The following PRKCA variants were observed in gnomAD, a reference collection of about 807,000 sequenced individuals.
PRKCA encodes the protein protein kinase C alpha type.
Under a neutral mutation model 87.0 loss-of-function variants are expected in PRKCA, and 27 were observed. That is an observed-to-expected ratio of 0.31 (90% CI 0.23 to 0.43). PRKCA has a LOEUF of 0.43. Among genes scored for constraint, PRKCA ranks in the 20% least tolerant of loss-of-function variants. PRKCA has a pLI of 1.00. For synonymous variants in PRKCA, 329 were observed against 311.1 expected (o/e 1.06, Z -0.61); for missense variants, 518 against 852.3 (o/e 0.61, Z 4.88).
At chr17:66,683,642 C>T (rs562130441) in intron 5 of PRKCA, among the ~76,000 whole-genome samples, 154 of 152,150 alleles carry the variant, frequency 1.0e-3, no homozygotes, top group Non-Finnish European at 1.7e-3. Flanking sequence ...CTGTGTCACC[C>T]AGGCTGGAGT....
chr17:66,497,492 G>A (rs1478849982), intron 3 of PRKCA, among the ~76,000 whole-genome samples: 27 of 147,266 alleles, frequency 1.8e-4, no homozygotes, highest in Admixed American at 8.8e-4. Flanking sequence ...GCAAAACTCC[G>A]TCTCAAAAAA....
At chr17:66,502,033 A>G (rs1441374760) in intron 3 of PRKCA, among the ~76,000 whole-genome samples, 1 of 152,124 alleles carries the variant, frequency 6.6e-6, no homozygotes, top group Non-Finnish European at 1.5e-5. Flanking sequence ...TTAAAACCTT[A>G]GCTCACCAGT....
At chr17:66,470,637 A>G (rs897775138) in intron 2 of PRKCA, among the ~76,000 whole-genome samples, 10 of 152,130 alleles carry the variant, frequency 6.6e-5, no homozygotes, top group Admixed American at 5.9e-4. Context: ...CCACGTGTCA[A>G]TGCAGTTCAG....
chr17:66,664,647 G>GTT (rs398031366), intron 5 of PRKCA, among the ~76,000 whole-genome samples: 43 of 67,812 alleles, frequency 6.3e-4, no homozygotes, highest in East Asian at 4.1e-3. Context: ...TTTTGCTTTG[G>GTT]TTTTTTTTTT....
At chr17:66,535,921 G>A (rs374236347) in intron 3 of PRKCA, among the ~76,000 whole-genome samples, 27 of 152,158 alleles carry the variant, frequency 1.8e-4, no homozygotes, top group African/African-American at 6.5e-4. Flanking sequence ...CATCAAAACA[G>A]CATCATGCCT....
intron 2 of PRKCA, among the ~76,000 whole-genome samples, chr17:66,372,244 C>A (rs1031875965): frequency 4.6e-5 from 7 of 152,188 alleles, no homozygotes; most frequent in African/African-American, 1.7e-4. Context: ...TATTTTAGTC[C>A]AGCGTCTTGG....
chr17:66,583,267 A>T (rs954190935), intron 3 of PRKCA, among the ~76,000 whole-genome samples: 1 of 152,184 alleles, frequency 6.6e-6, no homozygotes, highest in Non-Finnish European at 1.5e-5. Context: ...GAGGAATCTC[A>T]TGGGCATTTT....
chr17:66,629,144 A>G (rs758794209), intron 3 of PRKCA, among the ~76,000 whole-genome samples: 3 of 152,236 alleles, frequency 2.0e-5, no homozygotes, highest in Non-Finnish European at 4.4e-5. Flanking sequence ...GTACCTAAAG[A>G]GACAGTCCTG....
intron 3 of PRKCA, among the ~76,000 whole-genome samples, chr17:66,537,278 G>A (rs1447445052): frequency 3.3e-5 from 5 of 152,104 alleles, no homozygotes; most frequent in African/African-American, 1.2e-4. Context: ...AGAATTATTT[G>A]GGGCCACAGA....
intron 5 of PRKCA, among the ~76,000 whole-genome samples, chr17:66,685,831 T>C (rs1451461946): frequency 6.6e-6 from 1 of 152,260 alleles, no homozygotes; most frequent in East Asian, 1.9e-4. Flanking sequence ...ACTATGCTGA[T>C]AAACTATGCT....
At chr17:66,489,342 C>G (rs975941059) in intron 2 of PRKCA, among the ~76,000 whole-genome samples, 1 of 129,726 alleles carries the variant, frequency 7.7e-6, no homozygotes, top group African/African-American at 2.9e-5. Flanking sequence ...GAAAATGACC[C>G]TTAGCAGTGC....
intron 3 of PRKCA, among the ~76,000 whole-genome samples, chr17:66,526,715 A>G (rs535400070): frequency 7.2e-5 from 11 of 152,230 alleles, no homozygotes; most frequent in Middle Eastern, 3.4e-3. Context: ...TAGGGGAGGA[A>G]TTTCAAAGTC....
rs947691427 is a variant in PRKCA at position 66,706,090 on chromosome 17, G to A, written c.918+17043G>A. 3.9e-5 allele frequency among the ~76,000 whole-genome samples: 6 copies of A among 152,120 alleles called. No homozygotes were observed. In the East Asian group the frequency reaches 1.2e-3, roughly 29 times the overall value. ...ATGCAGAGGTTCAGAGCCCAGCCCA[G>A]CCTCTGACCCAGTCAGAATATTATT... On this transcript the variant is annotated intron_variant, in intron 8 of 16. Coordinates refer to ENST00000413366, the MANE Select transcript of PRKCA (RefSeq NM_002737.3).
Position 66,689,785 on chromosome 17 carries a change from C to G in PRKCA, c.918+738C>G, listed in dbSNP as rs1396202627. ...TAAAGGCACAACTTCTAATATTTGT[C>G]TGTTTCTCTAATCACCCTTCATTTT... is the stretch of plus-strand genomic sequence containing the variant. On this transcript the variant is annotated intron_variant, in intron 8 of 16. Coordinates refer to ENST00000413366, the MANE Select transcript of PRKCA (RefSeq NM_002737.3). The surrounding 1 kb of genome is among the most constrained non-coding windows in gnomAD (Gnocchi z 4.1). 6.6e-6 allele frequency among the ~76,000 whole-genome samples: 1 copy of G among 152,204 alleles called. No individual in the cohort carries two copies. Among genetic ancestry groups the G allele is most frequent in the East Asian group, 1.9e-4 (1 of 5,204 alleles).
chr17:66,432,976 C>T (rs963837107), intron 2 of PRKCA, among the ~76,000 whole-genome samples: 1 of 152,084 alleles, frequency 6.6e-6, no homozygotes, highest in Admixed American at 6.6e-5. Context: ...AAGCCAGGCT[C>T]TTTGTGAGGT....
intron 13 of PRKCA, among the ~76,000 whole-genome samples, chr17:66,765,455 T>TATATATA (rs1974790127): frequency 1.1e-4 from 11 of 97,780 alleles, no homozygotes; most frequent in African/African-American, 3.4e-4. Flanking sequence ...TATATATATA[T>TATATATA]CCATATATAT....
At chr17:66,391,702 C>T (rs942323110) in intron 2 of PRKCA, among the ~76,000 whole-genome samples, 10 of 152,192 alleles carry the variant, frequency 6.6e-5, no homozygotes, top group South Asian at 2.1e-4. Flanking sequence ...TATTTTCTTT[C>T]GGAAACTTTC....
chr17:66,686,738 C>T (rs1246829991), intron 5 of PRKCA, among the ~76,000 whole-genome samples: 1 of 152,084 alleles, frequency 6.6e-6, no homozygotes, highest in Non-Finnish European at 1.5e-5. Context: ...GAGGGTGCAC[C>T]ATTACTCCTG....
chr17:66,408,546 ACTGT>A (rs558953814), intron 2 of PRKCA, among the ~76,000 whole-genome samples: 9 of 152,184 alleles, frequency 5.9e-5, no homozygotes, highest in Non-Finnish European at 1.0e-4. Flanking sequence ...TCTAACTGGG[ACTGT>A]CTATGTCAAT....
Sources: allele counts gnomAD v4.1 joint callset (sites outside exome capture counted in the v4.1 genomes callset), GRCh38; gene constraint gnomAD v4.1.1; non-coding constraint Gnocchi (gnomAD v3.1); transcripts MANE v1.5; gene names NCBI Gene and HGNC (gene_info 2026-07-23, HGNC 2026-07-21).